The following PITPNM3 variants were observed in gnomAD, a reference collection of about 807,000 sequenced individuals.
PITPNM3 encodes PITPNM family member 3, also known as membrane-associated phosphatidylinositol transfer protein 3.
PITPNM3 carries 26 observed loss-of-function variants against 102.0 expected under a neutral mutation model. That is an observed-to-expected ratio of 0.25 (90% confidence interval 0.19 to 0.35). PITPNM3 has a LOEUF of 0.35. Among genes scored for constraint, PITPNM3 ranks in the 10% least tolerant of loss-of-function variants. The probability of loss-of-function intolerance (pLI) is 1.00; values close to 1 mark genes in which losing one functional copy is unlikely to be tolerated. For missense variants in PITPNM3, 1,083 were observed against 1,346.1 expected, an observed-to-expected ratio of 0.80 and a Z score of 3.06; for synonymous variants, 578 against 558.6, an observed-to-expected ratio of 1.03 and a Z score of -0.49.
Position 6,556,086 on chromosome 17 carries a change from G to A in PITPNM3, c.22+299C>T, listed in dbSNP as rs970149019. Among the ~76,000 whole-genome samples, 4 of 152,214 alleles carry A rather than the reference G, an allele frequency of 2.6e-5. No homozygotes were observed. Among genetic ancestry groups the A allele is most frequent in the Non-Finnish European group, 4.4e-5 (3 of 67,958 alleles). On this transcript the variant is annotated intron_variant, in intron 1 of 19. Transcript: ENST00000262483. This position sits in a 1 kb window ranked among gnomAD's most constrained non-coding sequence, Gnocchi z 5.2. ...CGGGTCTGCCCGGGGCCTCCGCGGG[G>A]TGCAGAGGGCTCCCAACGGCGGGAC...
At chr17:6,533,442 T>C (rs1385829815) in intron 2 of PITPNM3, among the ~76,000 whole-genome samples, 1 of 151,952 alleles carries the variant, frequency 6.6e-6, no homozygotes, top group Admixed American at 6.6e-5. Context: ...GTTATTTTGT[T>C]TATGGTGTTT....
intron 4 of PITPNM3, among the ~76,000 whole-genome samples, chr17:6,488,778 G>A (rs1306429975): frequency 6.6e-6 from 1 of 152,126 alleles, no homozygotes; most frequent in Non-Finnish European, 1.5e-5. Context: ...AAGGGGTGGA[G>A]AGCCACATAA....
intron 3 of PITPNM3, among the ~76,000 whole-genome samples, chr17:6,509,510 C>T (rs957002247): frequency 3.9e-5 from 6 of 152,200 alleles, no homozygotes; most frequent in Admixed American, 6.5e-5. Context: ...CCGGAATTTG[C>T]CCTGGGCTCT....
chr17:6,487,818 G>C (rs1278859405), intron 4 of PITPNM3, among the ~76,000 whole-genome samples: 1 of 152,182 alleles, frequency 6.6e-6, no homozygotes, highest in Non-Finnish European at 1.5e-5. Flanking sequence ...GGCCACCAAC[G>C]ATGTTGAGGC....
chr17:6,506,565 T>G (rs1213446062), intron 3 of PITPNM3, among the ~76,000 whole-genome samples: 1 of 151,956 alleles, frequency 6.6e-6, no homozygotes, highest in Non-Finnish European at 1.5e-5. Flanking sequence ...AAAGATGGGG[T>G]TTTACCATGT....
At chr17:6,498,985 C>A (rs1364038529) in intron 4 of PITPNM3, among the ~76,000 whole-genome samples, 1 of 152,140 alleles carries the variant, frequency 6.6e-6, no homozygotes, top group South Asian at 2.1e-4. Context: ...CAACAGAAGA[C>A]CCCGAGAATG....
At chr17:6,543,157 C>G (rs1909817588) in intron 1 of PITPNM3, among the ~76,000 whole-genome samples, 1 of 152,214 alleles carries the variant, frequency 6.6e-6, no homozygotes, top group Non-Finnish European at 1.5e-5. Flanking sequence ...CTGGGCCGCT[C>G]AGTGGGAGGG....
intron 4 of PITPNM3, among the ~76,000 whole-genome samples, chr17:6,498,580 G>A (rs975578260): frequency 9.2e-5 from 14 of 152,190 alleles, no homozygotes; most frequent in South Asian, 2.1e-4. Context: ...GGACGCCAGT[G>A]CACAGGAGGA....
At chr17:6,474,356 T>C in intron 10 of PITPNM3, 76 bp downstream of exon 10, 1 of 1,540,140 alleles carries the variant, frequency 6.5e-7, no homozygotes, top group Admixed American at 1.7e-5. Context: ...GACTTCACTC[T>C]CCTCATTCTG....
At chr17:6,507,360 G>T (rs1370886006) in intron 3 of PITPNM3, among the ~76,000 whole-genome samples, 1 of 152,216 alleles carries the variant, frequency 6.6e-6, no homozygotes, top group Non-Finnish European at 1.5e-5. Flanking sequence ...AAGGTGGGTG[G>T]ACCACCTGAG....
chr17:6,550,390 A>G (rs1362515813), intron 1 of PITPNM3, among the ~76,000 whole-genome samples: 1 of 152,238 alleles, frequency 6.6e-6, no homozygotes, highest in Non-Finnish European at 1.5e-5. Context: ...GAGCTGCTAT[A>G]GGATCTGAGC....
chr17:6,461,295 A>T (rs1904436985), intron 18 of PITPNM3, 78 bp downstream of exon 18: 1 of 1,510,470 alleles, frequency 6.6e-7, no homozygotes, highest in South Asian at 1.1e-5. Context: ...CCCACCCGGG[A>T]GGAGGGAGAT....
At position 6,457,804 on chromosome 17, in the gene PITPNM3, C is replaced by T; in HGVS notation, c.2491-82G>A. On this transcript the variant is annotated intron_variant, in intron 18 of 19. Transcript: ENST00000262483. The surrounding 1 kb of genome is among the most constrained non-coding windows in gnomAD (Gnocchi z 4.7). ...CTTCCCAGGCCAACCCCAGGGGGCC[C>T]CTGCTTGGGGACCCTTTATGTGCAC... 6.6e-7 allele frequency: 1 copy of T among 1,526,618 alleles called. No individual in the cohort carries two copies. The highest frequency in any genetic ancestry group is 1.4e-5 in the African/African-American group (1 of 72,752). 94.6% of individuals were successfully genotyped at this position (1,526,618 alleles called of 1,614,324 possible). A position where few individuals can be genotyped will look rare whatever the true frequency, so the allele number is the denominator to read the frequency against.
At chr17:6,473,822 CA>C (rs1488817719) in intron 10 of PITPNM3, among the ~76,000 whole-genome samples, 2 of 151,940 alleles carry the variant, frequency 1.3e-5, no homozygotes, top group African/African-American at 2.4e-5. Context: ...ACCAAAAATA[CA>C]AAAATTAGCT....
chr17:6,502,556 A>G (rs1200461298), intron 4 of PITPNM3, among the ~76,000 whole-genome samples: 20 of 152,150 alleles, frequency 1.3e-4, no homozygotes, highest in Non-Finnish European at 5.9e-5. Context: ...AGGTCCTTCC[A>G]CCTCAGCACA....
rs954237971 is a variant in PITPNM3 at position 6,471,189 on chromosome 17, G to C, written c.1596C>G (p.Asp532Glu). 6.2e-7 allele frequency: 1 copy of C among 1,612,856 alleles called. No homozygotes were observed. The highest frequency in any genetic ancestry group is 1.3e-5 in the African/African-American group (1 of 74,906). Reference protein sequence around the residue: ...SSHSESSESSDSMAPVGASRI... With the variant: ...SSHSESSESSESMAPVGASRI... Reference sequence around the variant, plus strand: ...GGGAGGCACCCACGGGTGCCATGCTGTCCGAGGACTCCGAGCTCTCGCTGT... The same window carrying C: ...GGGAGGCACCCACGGGTGCCATGCTCTCCGAGGACTCCGAGCTCTCGCTGT... The change falls in exon 12 of 20, where the codon GAC becomes GAG. Residue 532 changes from aspartate to glutamate, a missense_variant. By Grantham distance (45) the Asp-to-Glu change is conservative. Transcript: ENST00000262483.
At chr17:6,486,686 C>T (rs1906116630) in intron 4 of PITPNM3, among the ~76,000 whole-genome samples, 2 of 152,180 alleles carry the variant, frequency 1.3e-5, no homozygotes. Flanking sequence ...GGCTCTCCTG[C>T]CTAATTTCTA....
intron 3 of PITPNM3, among the ~76,000 whole-genome samples, chr17:6,515,870 A>AAAAC (rs1172815921): frequency 6.6e-6 from 1 of 152,238 alleles, no homozygotes; most frequent in Non-Finnish European, 1.5e-5. Flanking sequence ...ATGATTTTAA[A>AAAAC]AAACAAACAA....
chr17:6,470,488 A>T lies in PITPNM3; in HGVS notation c.1625-80T>A. 7 of 1,594,058 alleles carry T rather than the reference A, an allele frequency of 4.4e-6. No homozygotes were observed. The South Asian group carries it at 7.8e-5, about 18-fold the overall frequency. ...GGGGCAGCGGGGTCTCCCATTGCAC[A>T]GACTGGTGGTGGATGCCCCACGTGG... is the stretch of plus-strand genomic sequence containing the variant. On this transcript the variant is annotated intron_variant, in intron 12 of 19. Transcript: ENST00000262483. This position sits in a 1 kb window ranked among gnomAD's most constrained non-coding sequence, Gnocchi z 4.8.
Sources: allele counts gnomAD v4.1 joint callset (sites outside exome capture counted in the v4.1 genomes callset), GRCh38; gene constraint gnomAD v4.1.1; non-coding constraint Gnocchi (gnomAD v3.1); transcripts MANE v1.5; gene names NCBI Gene and HGNC (gene_info 2026-07-23, HGNC 2026-07-21).